MEF2C: variants seen among roughly 807,000 people sequenced by gnomAD.
MEF2C encodes myocyte enhancer factor 2C.
In MEF2C, 6 loss-of-function variants were observed where a neutral mutation model predicts 50.5. That is an observed-to-expected ratio of 0.12 (90% CI 0.07 to 0.23). The LOEUF (loss-of-function observed/expected upper bound fraction) is 0.23, where lower values mean the gene tolerates loss of function less well. Ranked by LOEUF, MEF2C falls within the 10% of genes least tolerant of loss-of-function variation. The pLI, the probability that MEF2C is intolerant of heterozygous loss-of-function variation, is 1.00. For synonymous variants in MEF2C, 183 were observed against 228.0 expected, an observed-to-expected ratio of 0.80 and a Z score of 1.78; for missense variants, 276 against 605.0, an observed-to-expected ratio of 0.46 and a Z score of 5.70.
At position 88,813,507 on chromosome 5, in the gene MEF2C, TG is replaced by T. The variant is rs145833565; in HGVS notation, c.55-8707del. Reference sequence around the variant, plus strand: ...TAAAGTCACCTCAGAAGAACTTTCCTGCCATTTTAACTGTGGTAACTGTTCT... The same window carrying T: ...TAAAGTCACCTCAGAAGAACTTTCCTCCATTTTAACTGTGGTAACTGTTCT... On this transcript the variant is annotated intron_variant, in intron 2 of 10. Coordinates refer to ENST00000504921, the MANE Select transcript of MEF2C (RefSeq NM_002397.5). 5.3e-3 allele frequency among the ~76,000 whole-genome samples: 801 copies of T among 152,190 alleles called. 4 individuals carry two copies. The highest frequency in any genetic ancestry group is 7.8e-3 in the Non-Finnish European group (529 of 67,996).
At chr5:88,771,445 G>A in intron 3 of MEF2C, 1 of 985,404 alleles carries the variant, frequency 1.0e-6, no homozygotes, top group Non-Finnish European at 1.2e-6. Flanking sequence ...CCTAACGCTT[G>A]TAGAAGGCAC....
chr5:88,733,550 T>A (rs1454727319), intron 6 of MEF2C: 11 of 985,224 alleles, frequency 1.1e-5, no homozygotes, highest in Non-Finnish European at 1.3e-5. Context: ...ATAGAGGCCA[T>A]GAGGAACTGG....
At chr5:88,731,986 A>G in intron 6 of MEF2C, 85 bp from the exon 7 acceptor site, 2 of 1,280,506 alleles carry the variant, frequency 1.6e-6, no homozygotes, top group East Asian at 2.5e-5. Context: ...GAATAAAAAC[A>G]AAAGCTTAAT....
intron 6 of MEF2C, chr5:88,740,358 A>T (rs540638654): frequency 1.0e-6 from 1 of 985,086 alleles, no homozygotes. Flanking sequence ...AGGTAAAGAA[A>T]TTTTACTTAT....
intron 6 of MEF2C, chr5:88,736,124 T>C (rs1361107818): frequency 1.0e-6 from 1 of 985,276 alleles, no homozygotes; most frequent in Admixed American, 6.2e-5. Flanking sequence ...ATCTTATTCA[T>C]TTTTCTTCAG....
chr5:88,862,187 T>C (rs1457656595), intron 1 of MEF2C, among the ~76,000 whole-genome samples: 2 of 152,244 alleles, frequency 1.3e-5, no homozygotes, highest in Non-Finnish European at 2.9e-5. Flanking sequence ...TAAAACTTTA[T>C]GTGGTTCATT....
chr5:88,811,234 G>T (rs1313144326), intron 2 of MEF2C, among the ~76,000 whole-genome samples: 2 of 152,018 alleles, frequency 1.3e-5, no homozygotes, highest in African/African-American at 4.8e-5. Flanking sequence ...GTATAACTCA[G>T]AAAAAAATAG....
At chr5:88,884,763 A>C (rs1393981600), upstream of MEF2C, among the ~76,000 whole-genome samples, 1 of 149,550 alleles carries the variant, frequency 6.7e-6, no homozygotes, top group African/African-American at 2.5e-5. Context: ...GAGGATACTT[A>C]TGTTAAGGTT....
At chr5:88,851,381 AATCTT>A (rs1239842736) in intron 1 of MEF2C, among the ~76,000 whole-genome samples, 1 of 152,208 alleles carries the variant, frequency 6.6e-6, no homozygotes, top group African/African-American at 2.4e-5. Flanking sequence ...GTTATATACA[AATCTT>A]CAACTGCATG....
At chr5:88,798,009 G>C (rs1016559125) in intron 3 of MEF2C, among the ~76,000 whole-genome samples, 3 of 152,202 alleles carry the variant, frequency 2.0e-5, no homozygotes, top group Non-Finnish European at 4.4e-5. Flanking sequence ...TCTGTAGAGA[G>C]ATCTGCTGTT....
chr5:88,884,154 TG>T (rs1317387476), upstream of MEF2C, among the ~76,000 whole-genome samples: 1 of 152,252 alleles, frequency 6.6e-6, no homozygotes, highest in African/African-American at 2.4e-5. Flanking sequence ...CGCGCTCGCT[TG>T]CTCTCCGGGG....
intron 3 of MEF2C, chr5:88,768,576 T>C: frequency 6.3e-6 from 3 of 473,606 alleles, no homozygotes; most frequent in Non-Finnish European, 8.3e-6. Context: ...AGTTTATTTG[T>C]CATCTCGTAT....
intron 1 of MEF2C, among the ~76,000 whole-genome samples, chr5:88,890,019 T>C (rs540159213): frequency 6.6e-6 from 1 of 152,342 alleles, no homozygotes; most frequent in East Asian, 1.9e-4. Context: ...CCGCCGCCCC[T>C]GTCCCACTCT....
chr5:88,779,908 G>A (rs564443358), intron 3 of MEF2C, among the ~76,000 whole-genome samples: 25 of 152,140 alleles, frequency 1.6e-4, no homozygotes, highest in African/African-American at 6.0e-4. Context: ...ACTTTGGGAG[G>A]CCAAGGCGGG....
chr5:88,790,824 A>C (rs551714585), intron 3 of MEF2C, among the ~76,000 whole-genome samples: 1 of 152,308 alleles, frequency 6.6e-6, no homozygotes, highest in Non-Finnish European at 1.5e-5. Context: ...TGGCAGCTGG[A>C]GGTACAGAGA....
At chr5:88,868,096 A>G (rs1011365238) in intron 1 of MEF2C, among the ~76,000 whole-genome samples, 5 of 152,182 alleles carry the variant, frequency 3.3e-5, no homozygotes, top group Non-Finnish European at 2.9e-5. Flanking sequence ...AAATCAAGAC[A>G]ACTGGCAAAA....
At position 88,849,422 on chromosome 5, in the gene MEF2C, T is replaced by A. The variant is rs945894414; in HGVS notation, c.-142-25492A>T. Among the ~76,000 whole-genome samples the A allele has an allele frequency of 2.0e-5, 3 of 152,164 alleles. No individual in the cohort carries two copies. The South Asian group carries it at 6.2e-4, about 31-fold the overall frequency. On this transcript the variant is annotated intron_variant, in intron 1 of 10. Transcript: ENST00000504921. ...AAAATAAATAAATAATAAGGTCATATGCACATAATATATATACAGAGAATG... is the reference window on the plus strand; with the variant it reads ...AAAATAAATAAATAATAAGGTCATAAGCACATAATATATATACAGAGAATG...
upstream of MEF2C, among the ~76,000 whole-genome samples, chr5:88,885,795 A>G (rs777591115): frequency 7.2e-5 from 11 of 152,356 alleles, no homozygotes; most frequent in South Asian, 1.0e-3. Context: ...ACAACAGTCT[A>G]TTTGACATGA....
chr5:88,843,507 T>C (rs1818183279), intron 1 of MEF2C: 1 of 981,940 alleles, frequency 1.0e-6, no homozygotes, highest in Non-Finnish European at 1.2e-6. Flanking sequence ...AACTACATTT[T>C]TCATGTGTCT....
Sources: gnomAD v4.1 joint callset for allele counts (sites outside exome capture counted in the v4.1 genomes callset) on GRCh38, gnomAD v4.1.1 for gene constraint, MANE v1.5 for transcripts, NCBI Gene and HGNC (gene_info 2026-07-23, HGNC 2026-07-21) for gene names.